Variants in EFHC2 observed in about 807,000 individuals in gnomAD.
EFHC2 encodes EF-hand domain-containing family member C2.
Under a neutral mutation model 52.7 loss-of-function variants are expected in EFHC2, and 18 were observed. That is an observed-to-expected ratio of 0.34 (90% CI 0.24 to 0.51). The LOEUF (loss-of-function observed/expected upper bound fraction) is 0.51. Among genes scored for constraint, EFHC2 ranks in the 20% least tolerant of loss-of-function variants. EFHC2 has a pLI of 0.97. For synonymous variants in EFHC2, 203 were observed against 204.1 expected (o/e 0.99, Z 0.04); for missense variants, 513 against 562.5 (o/e 0.91, Z 0.89).
At chrX:44,201,735 C>T (rs1268922002) in intron 11 of EFHC2, among the ~76,000 whole-genome samples, 2 of 111,764 alleles carry the variant, frequency 1.8e-5, no homozygotes, top group Non-Finnish European at 3.8e-5. Context: ...AAAAAACTGA[C>T]AATACCTACA....
intron 2 of EFHC2, among the ~76,000 whole-genome samples, chrX:44,283,040 G>A (rs1434034849): frequency 9.0e-6 from 1 of 111,650 alleles, no homozygotes; most frequent in Admixed American, 9.5e-5. Flanking sequence ...CCAGCTGGCC[G>A]TTGGGGATCA....
At chrX:44,266,626 T>G (rs1273362449) in intron 3 of EFHC2, among the ~76,000 whole-genome samples, 1 of 111,427 alleles carries the variant, frequency 9.0e-6, no homozygotes, top group Non-Finnish European at 1.9e-5. Flanking sequence ...TAAGCCACCA[T>G]GCCCAGCCAA....
intron 8 of EFHC2, among the ~76,000 whole-genome samples, chrX:44,236,886 C>T (rs2037324314): frequency 8.9e-6 from 1 of 111,805 alleles, no homozygotes; most frequent in Admixed American, 9.5e-5. Flanking sequence ...ATTTCAGATA[C>T]TAGAAATATC....
intron 11 of EFHC2, among the ~76,000 whole-genome samples, chrX:44,183,962 G>A (rs1377655329): frequency 8.9e-6 from 1 of 112,314 alleles, no homozygotes; most frequent in Admixed American, 9.4e-5. Context: ...GGGAACTGTG[G>A]TAAACTACTC....
At position 44,242,174 on chromosome X, in the gene EFHC2, G is replaced by T; in HGVS notation, c.1227C>A (p.Asp409Glu). 1 of 1,208,202 alleles carries T rather than the reference G, an allele frequency of 8.3e-7. No homozygotes were observed. Among genetic ancestry groups the T allele is most frequent in the Non-Finnish European group, 1.1e-6 (1 of 893,816 alleles). The change falls in exon 8 of 15, where the codon GAC becomes GAA. Residue 409 changes from aspartate to glutamate, a missense_variant. Asp to Glu is a conservative substitution (Grantham distance 45). Transcript: ENST00000420999. ...TCCTCCGATGAGGTGTGGGCTTGAGGTCTATGCAGTTACGGAGAGAATCCT... is the reference window on the plus strand; with the variant it reads ...TCCTCCGATGAGGTGTGGGCTTGAGTTCTATGCAGTTACGGAGAGAATCCT... Reference protein sequence around the residue: ...SEEDSLRNCIDLKPTPHRRNF... With the variant: ...SEEDSLRNCIELKPTPHRRNF...
intron 11 of EFHC2, among the ~76,000 whole-genome samples, chrX:44,207,204 TA>T (rs988608087): frequency 1.4e-4 from 16 of 111,758 alleles, no homozygotes; most frequent in Non-Finnish European, 2.1e-4. Context: ...AAAAATGAAC[TA>T]AAAATGGATT....
At chrX:44,170,091 A>C (rs1353914423) in intron 13 of EFHC2, among the ~76,000 whole-genome samples, 1 of 111,745 alleles carries the variant, frequency 8.9e-6, no homozygotes, top group African/African-American at 3.3e-5. Flanking sequence ...TTGACTATCA[A>C]CATATGTCAG....
At chrX:44,332,788 A>G (rs745708491) in intron 1 of EFHC2, among the ~76,000 whole-genome samples, 1 of 111,367 alleles carries the variant, frequency 9.0e-6, no homozygotes, top group African/African-American at 3.3e-5. Flanking sequence ...GCAAGAGGCC[A>G]CAGAGAGGCT....
chrX:44,246,188 G>A (rs1351051877), intron 7 of EFHC2, among the ~76,000 whole-genome samples: 1 of 112,005 alleles, frequency 8.9e-6, no homozygotes, highest in Non-Finnish European at 1.9e-5. Flanking sequence ...AGAAATAACT[G>A]TATCTAAGCA....
At chrX:44,153,283 A>T (rs1294431874) in intron 14 of EFHC2, among the ~76,000 whole-genome samples, 1 of 112,100 alleles carries the variant, frequency 8.9e-6, no homozygotes, top group Admixed American at 9.5e-5. Context: ...TTAAGATGAA[A>T]AGATAACAGC....
intron 4 of EFHC2, among the ~76,000 whole-genome samples, chrX:44,256,495 A>C (rs1317661627): frequency 8.9e-6 from 1 of 112,139 alleles, no homozygotes; most frequent in East Asian, 2.8e-4. Context: ...AACTACCATC[A>C]GAGAATATTA....
At chrX:44,267,216 C>T (rs1365094703) in intron 3 of EFHC2, among the ~76,000 whole-genome samples, 1 of 112,304 alleles carries the variant, frequency 8.9e-6, no homozygotes, top group Non-Finnish European at 1.9e-5. Context: ...GGATTAACCT[C>T]TGACATTCTT....
At chrX:44,186,267 TG>T (rs1365635793) in intron 11 of EFHC2, among the ~76,000 whole-genome samples, 1 of 112,242 alleles carries the variant, frequency 8.9e-6, no homozygotes, top group East Asian at 2.8e-4. Flanking sequence ...TCCTTTAAAA[TG>T]TTCATCTATA....
At chrX:44,150,068 T>C (rs960072536) in intron 14 of EFHC2, among the ~76,000 whole-genome samples, 1 of 111,991 alleles carries the variant, frequency 8.9e-6, no homozygotes, top group African/African-American at 3.3e-5. Flanking sequence ...GGAGGCAAAG[T>C]TCATACATAT....
At chrX:44,329,989 C>T (rs1345493995) in intron 1 of EFHC2, among the ~76,000 whole-genome samples, 1 of 103,331 alleles carries the variant, frequency 9.7e-6, no homozygotes, top group Non-Finnish European at 1.9e-5. Context: ...TGGCTCACAC[C>T]TGTAATCTTA....
chrX:44,247,800 T>C (rs957006647), intron 7 of EFHC2, among the ~76,000 whole-genome samples: 38 of 111,718 alleles, frequency 3.4e-4, no homozygotes, highest in Middle Eastern at 4.2e-3. Flanking sequence ...GGAGTTAATA[T>C]CTGAGAAGAG....
chrX:44,242,051 T>G, intron 8 of EFHC2, 70 bp downstream of exon 8: 3 of 1,030,679 alleles, frequency 2.9e-6, no homozygotes, highest in Non-Finnish European at 3.9e-6. Context: ...TGTTTCGTCA[T>G]GAGAACTATG....
intron 14 of EFHC2, among the ~76,000 whole-genome samples, chrX:44,162,181 G>A (rs1031110960): frequency 5.4e-5 from 6 of 111,911 alleles, no homozygotes; most frequent in African/African-American, 2.0e-4. Flanking sequence ...CCAGCACTTT[G>A]GGAGGTCAAG....
intron 4 of EFHC2, among the ~76,000 whole-genome samples, chrX:44,258,603 C>T (rs948005366): frequency 5.4e-5 from 6 of 110,970 alleles, no homozygotes; most frequent in African/African-American, 2.0e-4. Flanking sequence ...GTTAGAATGG[C>T]GATCACTGGG....
Sources: allele counts gnomAD v4.1 joint callset (sites outside exome capture counted in the v4.1 genomes callset), GRCh38; gene constraint gnomAD v4.1.1; transcripts MANE v1.5; gene names NCBI Gene and HGNC (gene_info 2026-07-23, HGNC 2026-07-21).